The following WSB2 variants were observed in gnomAD, a reference collection of about 807,000 sequenced individuals.
WSB2 encodes WD repeat and SOCS box containing 2, also known as WD repeat and SOCS box-containing protein 2.
Under a neutral mutation model 48.8 loss-of-function variants are expected in WSB2, and 12 were observed. The ratio of observed to expected loss-of-function variants is 0.25; its 90% CI spans 0.16 to 0.40. WSB2 has a LOEUF of 0.40. Among genes scored for constraint, WSB2 ranks in the 10% least tolerant of loss-of-function variants. The pLI, the probability that WSB2 is intolerant of heterozygous loss-of-function variation, is 1.00. For missense variants in WSB2, 317 were observed against 506.2 expected (o/e 0.63, Z 3.59); for synonymous variants, 191 against 203.1 (o/e 0.94, Z 0.51).
chr12:118,038,521 C>A, intron 4 of WSB2, 133 bp from the exon 5 acceptor site: 1 of 682,862 alleles, frequency 1.5e-6, no homozygotes. Flanking sequence ...CCCAAGGGTC[C>A]AATTTTTAAT....
intron 1 of WSB2, among the ~76,000 whole-genome samples, chr12:118,052,933 A>G (rs1359867992): frequency 6.6e-6 from 1 of 152,132 alleles, no homozygotes. Flanking sequence ...CATCCTCCCC[A>G]TCATCAAGGC....
intron 2 of WSB2, among the ~76,000 whole-genome samples, chr12:118,048,239 T>C (rs958605354): frequency 3.8e-4 from 57 of 150,506 alleles, no homozygotes; most frequent in Admixed American, 3.7e-3. Flanking sequence ...ATATAGCCTG[T>C]TTTTTTTCAA....
Position 118,034,966 on chromosome 12 carries a change from T to C in WSB2, c.1052+20A>G, listed in dbSNP as rs1349937398. The C allele has an allele frequency of 1.2e-6, 2 of 1,611,414 alleles. No individual in the cohort carries two copies. The highest frequency in any genetic ancestry group is 2.7e-5 in the African/African-American group (2 of 74,884). On this transcript the variant is annotated intron_variant, in intron 8 of 8. Coordinates refer to ENST00000315436, the MANE Select transcript of WSB2 (RefSeq NM_018639.5). ...CTCAGCAGAAAGCACCACCCATCTG[T>C]TCAGCTAACAAATACATACCCTGTG...
Position 118,034,986 on chromosome 12 carries a change from C to T in WSB2, c.1052G>A (p.Gly351Glu). 6.2e-7 allele frequency: 1 copy of T among 1,614,006 alleles called. No homozygotes were observed. Among genetic ancestry groups the T allele is most frequent in the Non-Finnish European group, 8.5e-7 (1 of 1,179,934 alleles). ...FFPHGGVIAT[G>E]TRDGHVQFWT... is the part of the protein sequence containing the mutation. ...ATCTGTTCAGCTAACAAATACATAC[C>T]CTGTGGCAATGACTCCACCATGTGG... is the stretch of plus-strand genomic sequence containing the variant. The change falls in exon 8 of 9, where the codon GGG becomes GAG. Residue 351 changes from glycine (G) to glutamate (E), a missense_variant and splice_region_variant. By Grantham distance (98) the Gly-to-Glu change is moderately conservative (BLOSUM62 -2). This residue lies in a region of WSB2 where 189 missense variants were observed against 349.6 expected (regional missense o/e 0.54). Coordinates refer to ENST00000315436, the MANE Select transcript of WSB2 (RefSeq NM_018639.5).
At chr12:118,052,915 C>G (rs2031882457) in intron 1 of WSB2, among the ~76,000 whole-genome samples, 1 of 152,184 alleles carries the variant, frequency 6.6e-6, no homozygotes, top group African/African-American at 2.4e-5. Context: ...CTCCCTCTCA[C>G]TCGCCTGCAT....
chr12:118,057,938 A>AC (rs1566144177), intron 1 of WSB2, among the ~76,000 whole-genome samples: 1 of 149,076 alleles, frequency 6.7e-6, no homozygotes, highest in Non-Finnish European at 1.5e-5. Flanking sequence ...TTTTTTTTAA[A>AC]TTAAATTTTT....
intron 4 of WSB2, among the ~76,000 whole-genome samples, chr12:118,039,417 G>A (rs2031581477): frequency 6.6e-6 from 1 of 152,180 alleles, no homozygotes; most frequent in Admixed American, 6.5e-5. Context: ...TGAAAAATGC[G>A]AGATGCAGGG....
chr12:118,034,195 C>T lies in WSB2; in HGVS notation c.*1G>A. The T allele has an allele frequency of 6.2e-7, 1 of 1,614,144 alleles. No individual in the cohort carries two copies. The highest frequency in any genetic ancestry group is 1.1e-5 in the South Asian group (1 of 91,086). On this transcript the variant is annotated 3_prime_UTR_variant, in exon 9 of 9. Coordinates refer to ENST00000315436, the MANE Select transcript of WSB2 (RefSeq NM_018639.5). Reference sequence around the variant, plus strand: ...CAAAGAAGCACAAGATGTGGTGTTGCTTAAAAAGTCCTGTATGTGAGGAAC... The same window carrying T: ...CAAAGAAGCACAAGATGTGGTGTTGTTTAAAAAGTCCTGTATGTGAGGAAC...
chr12:118,058,753 A>C (rs1434841747), intron 1 of WSB2, among the ~76,000 whole-genome samples: 1 of 151,092 alleles, frequency 6.6e-6, no homozygotes, highest in Non-Finnish European at 1.5e-5. Context: ...CTGGAGTGCA[A>C]TGGCGAGATC....
chr12:118,043,348 C>T lies in WSB2; in HGVS notation c.212G>A (p.Arg71Gln), dbSNP rs765345901. 1.1e-5 allele frequency: 17 copies of T among 1,582,132 alleles called. No individual in the cohort carries two copies. Among genetic ancestry groups the T allele is most frequent in the Middle Eastern group, 1.7e-4 (1 of 5,884 alleles). The stretch of plus-strand genomic sequence containing the variant: ...CCCTTTCGTCTCATTTTTGCTACTT[C>T]GGCTTTTGGCTTCAAACCCTTTAGG... ...FIPKGFEAKS[R>Q]SSKNETKGRG... The change falls in exon 3 of 9, where the codon CGA becomes CAA. Residue 71 changes from arginine to glutamine, a missense_variant. By Grantham distance (43) the Arg-to-Gln change is conservative. Coordinates refer to ENST00000315436, the MANE Select transcript of WSB2 (RefSeq NM_018639.5).
chr12:118,050,981 G>A lies in WSB2; in HGVS notation c.182+1329C>T, dbSNP rs889315259. On this transcript the variant is annotated intron_variant, in intron 2 of 8. Coordinates refer to ENST00000315436, the MANE Select transcript of WSB2 (RefSeq NM_018639.5). ...GCAGGAGAATTGCTTGAACCCAGGA[G>A]GTGGAGGTTGCAATAAGCTGAGATC... Among the ~76,000 whole-genome samples, 6 of 152,128 alleles carry A rather than the reference G, an allele frequency of 3.9e-5. No individual in the cohort carries two copies. In the East Asian group the frequency reaches 7.7e-4, roughly 20 times the overall value.
At position 118,061,022 on chromosome 12, in the gene WSB2, C is replaced by G; in HGVS notation, c.13+14G>C. ...CCCCGCCGGGCGGGAACGGGCGCGC[C>G]CGGCCCCACTCACCTCCGGCCTCCA... On this transcript the variant is annotated intron_variant, in intron 1 of 8. Coordinates refer to ENST00000315436, the MANE Select transcript of WSB2 (RefSeq NM_018639.5). 1.0e-6 allele frequency: 1 copy of G among 985,492 alleles called. No homozygotes were observed. Among genetic ancestry groups the G allele is most frequent in the Non-Finnish European group, 1.2e-6 (1 of 830,000 alleles). 61.0% of individuals were successfully genotyped at this position (985,492 alleles called of 1,614,324 possible). A position where few individuals can be genotyped will look rare whatever the true frequency, so the allele number is the denominator to read the frequency against.
intron 2 of WSB2, among the ~76,000 whole-genome samples, chr12:118,050,108 G>C (rs1432563824): frequency 6.6e-6 from 1 of 152,096 alleles, no homozygotes; most frequent in Non-Finnish European, 1.5e-5. Flanking sequence ...GCTGAGGCAG[G>C]AGGGAAGTGG....
Position 118,035,341 on chromosome 12 carries a change from C to T in WSB2, c.834-17G>A. ...TGGGTGTGGCTGGGAAGGAAAGAAACAGGATGGCAGGCCTGGAGTGATGGC... is the reference window on the plus strand; with the variant it reads ...TGGGTGTGGCTGGGAAGGAAAGAAATAGGATGGCAGGCCTGGAGTGATGGC... On this transcript the variant is annotated splice_polypyrimidine_tract_variant and intron_variant, in intron 6 of 8. Transcript: ENST00000315436. 6.2e-7 allele frequency: 1 copy of T among 1,610,760 alleles called. No individual in the cohort carries two copies. The highest frequency in any genetic ancestry group is 1.8e-4 in the Middle Eastern group (1 of 5,564).
At chr12:118,049,954 C>T (rs1366624902) in intron 2 of WSB2, among the ~76,000 whole-genome samples, 1 of 152,192 alleles carries the variant, frequency 6.6e-6, no homozygotes, top group East Asian at 1.9e-4. Flanking sequence ...ATTTATCTAA[C>T]GACTCTCAGT....
In WSB2 at chr12:118,035,092, G is replaced by C. The variant is rs2031476337; in HGVS notation, c.946C>G (p.Leu316Val). 1 of 1,613,974 alleles carries C rather than the reference G, an allele frequency of 6.2e-7. No homozygotes were observed. Among genetic ancestry groups the C allele is most frequent in the Admixed American group, 1.7e-5 (1 of 60,000 alleles). Residue 316 changes from leucine (L) to valine (V), a missense_variant and splice_region_variant, in exon 8 of 9, where the codon CTC becomes GTC. By Grantham distance (32) the Leu-to-Val change is conservative (BLOSUM62 1). This residue lies in a region of WSB2 where 189 missense variants were observed against 349.6 expected (regional missense o/e 0.54). Transcript: ENST00000315436. ...LYLATVADDRLLRIWALELKT... is the reference protein window; with the variant it reads ...LYLATVADDRVLRIWALELKT... Reference sequence around the variant, plus strand: ...AGTTCCAGGGCCCAGATCCTGAGGAGTCTGGATGGGGAGAGAGAACATCTG... The same window carrying C: ...AGTTCCAGGGCCCAGATCCTGAGGACTCTGGATGGGGAGAGAGAACATCTG...
At chr12:118,052,575 A>G in intron 1 of WSB2, 97 bp from the exon 2 acceptor site, 1 of 1,553,740 alleles carries the variant, frequency 6.4e-7, no homozygotes, top group Non-Finnish European at 8.7e-7. Context: ...AAAGAGCCAC[A>G]CTATCCATTC....
At chr12:118,048,730 A>G (rs1464954977) in intron 2 of WSB2, among the ~76,000 whole-genome samples, 1 of 152,186 alleles carries the variant, frequency 6.6e-6, no homozygotes, top group African/African-American at 2.4e-5. Flanking sequence ...TCCTTAGCTA[A>G]TAGTGAAAAG....
upstream of WSB2, chr12:118,062,067 G>A: frequency 1.3e-6 from 2 of 1,532,204 alleles, no homozygotes; most frequent in Non-Finnish European, 1.7e-6. Context: ...CGGGGCAGGA[G>A]CGATTCGGAA....
Sources: allele counts gnomAD v4.1 joint callset (sites outside exome capture counted in the v4.1 genomes callset), GRCh38; gene constraint gnomAD v4.1.1; regional missense constraint gnomAD v4.1.1; transcripts MANE v1.5; gene names NCBI Gene and HGNC (gene_info 2026-07-23, HGNC 2026-07-21).